ZFAND6: variants seen among roughly 807,000 people sequenced by gnomAD.
ZFAND6 encodes the protein zinc finger AN1-type containing 6.
A neutral mutation model predicts 24.5 loss-of-function variants in ZFAND6; 12 were observed. The ratio of observed to expected loss-of-function variants is 0.49; its 90% confidence interval spans 0.31 to 0.79. The LOEUF (loss-of-function observed/expected upper bound fraction) is 0.79. Among genes scored for constraint, ZFAND6 ranks in the 30% least tolerant of loss-of-function variants. The pLI, the probability that ZFAND6 is intolerant of heterozygous loss-of-function variation, is 0.04. For synonymous variants in ZFAND6, 92 were observed against 81.5 expected (o/e 1.13, Z -0.69); for missense variants, 207 against 245.9 (o/e 0.84, Z 1.06).
intron 1 of ZFAND6, among the ~76,000 whole-genome samples, chr15:80,081,787 T>A (rs1373804246): frequency 6.6e-6 from 1 of 152,190 alleles, no homozygotes; most frequent in Non-Finnish European, 1.5e-5. Flanking sequence ...AAAATATGGA[T>A]GGAGGCAGCC....
chr15:80,062,134 C>G (rs2036368441), intron 1 of ZFAND6, among the ~76,000 whole-genome samples: 1 of 151,768 alleles, frequency 6.6e-6, no homozygotes, highest in Non-Finnish European at 1.5e-5. Flanking sequence ...TCTGCTGTTC[C>G]TCTCCTCCCC....
At chr15:80,059,339 C>G (rs2036198647), upstream of ZFAND6, among the ~76,000 whole-genome samples, 1 of 152,232 alleles carries the variant, frequency 6.6e-6, no homozygotes, top group African/African-American at 2.4e-5. Flanking sequence ...AAAGTCTCCG[C>G]GGCACCTCTT....
At chr15:80,117,840 A>ATT (rs34077311) in intron 2 of ZFAND6, among the ~76,000 whole-genome samples, 3 of 151,764 alleles carry the variant, frequency 2.0e-5, no homozygotes, top group Non-Finnish European at 4.4e-5. Flanking sequence ...GGCTTCATCT[A>ATT]TTTTTTTCCC....
intron 5 of ZFAND6, among the ~76,000 whole-genome samples, chr15:80,127,194 T>A (rs747837477): frequency 6.6e-6 from 1 of 152,010 alleles, no homozygotes; most frequent in African/African-American, 2.4e-5. Context: ...TATAAATAAT[T>A]ACAATTCAAC....
At chr15:80,071,322 G>A (rs990024767) in intron 1 of ZFAND6, among the ~76,000 whole-genome samples, 1 of 152,110 alleles carries the variant, frequency 6.6e-6, no homozygotes, top group African/African-American at 2.4e-5. Flanking sequence ...ACCATACATT[G>A]AAAGCATATT....
chr15:80,102,354 C>T (rs2039081585), intron 2 of ZFAND6, among the ~76,000 whole-genome samples: 1 of 150,918 alleles, frequency 6.6e-6, no homozygotes, highest in East Asian at 2.0e-4. Context: ...GGTGATCCAC[C>T]CGCCTCCCAC....
chr15:80,137,433 T>G, intron 6 of ZFAND6, 47 bp from the exon 7 acceptor site: 1 of 1,569,034 alleles, frequency 6.4e-7, no homozygotes, highest in Non-Finnish European at 8.6e-7. Context: ...CCAAAGACCT[T>G]AATATTTCAT....
intron 2 of ZFAND6, chr15:80,112,999 G>T (rs762819005): frequency 2.6e-6 from 1 of 386,750 alleles, no homozygotes; most frequent in East Asian, 7.2e-5. Flanking sequence ...TTGAAAAAAG[G>T]CGGAGTGTGA....
intron 2 of ZFAND6, chr15:80,111,515 T>TTA (rs1294810530): frequency 2.2e-6 from 1 of 455,872 alleles, no homozygotes; most frequent in Non-Finnish European, 4.4e-6. Context: ...AATCAGAAGT[T>TTA]TTCTAGAATC....
chr15:80,102,394 T>C (rs1443402905), intron 2 of ZFAND6, among the ~76,000 whole-genome samples: 1 of 152,132 alleles, frequency 6.6e-6, no homozygotes, highest in Non-Finnish European at 1.5e-5. Flanking sequence ...GGATTACAGG[T>C]GTGAGCCCCC....
intron 4 of ZFAND6, 94 bp downstream of exon 4, chr15:80,121,914 C>CT (rs1403336016): frequency 1.2e-5 from 13 of 1,063,072 alleles, no homozygotes; most frequent in Non-Finnish European, 1.7e-5. Context: ...CGTAAAGCTA[C>CT]TTTTAGATTA....
intron 2 of ZFAND6, among the ~76,000 whole-genome samples, chr15:80,110,263 G>A (rs771869619): frequency 2.0e-5 from 3 of 152,154 alleles, no homozygotes; most frequent in Admixed American, 6.5e-5. Context: ...GGGAATTGGG[G>A]CAGACCACCT....
At chr15:80,113,370 A>T (rs1348651397) in intron 2 of ZFAND6, among the ~76,000 whole-genome samples, 1 of 152,216 alleles carries the variant, frequency 6.6e-6, no homozygotes, top group East Asian at 1.9e-4. Flanking sequence ...ATTTTTTTAA[A>T]AAATAATAGG....
At chr15:80,118,981 G>A (rs1001835558) in intron 2 of ZFAND6, among the ~76,000 whole-genome samples, 1 of 152,074 alleles carries the variant, frequency 6.6e-6, no homozygotes, top group Admixed American at 6.5e-5. Flanking sequence ...TCCTTCTTTG[G>A]TTAGTCTCAT....
chr15:80,131,460 C>T (rs577024967), intron 6 of ZFAND6, 167 bp downstream of exon 6: 1 of 520,424 alleles, frequency 1.9e-6, no homozygotes. Context: ...TTTGATTATA[C>T]ACCTAAAAGT....
At chr15:80,081,521 A>G (rs1314361172) in intron 1 of ZFAND6, among the ~76,000 whole-genome samples, 3 of 152,210 alleles carry the variant, frequency 2.0e-5, no homozygotes, top group Non-Finnish European at 4.4e-5. Flanking sequence ...GTCAGATAAC[A>G]TTTATGGTCA....
chr15:80,086,467 G>C (rs2038012739), intron 1 of ZFAND6, among the ~76,000 whole-genome samples: 1 of 152,146 alleles, frequency 6.6e-6, no homozygotes, highest in Non-Finnish European at 1.5e-5. Flanking sequence ...GAACATTTCT[G>C]TCACCCAAAA....
intron 1 of ZFAND6, among the ~76,000 whole-genome samples, chr15:80,062,491 C>T (rs1436705314): frequency 6.6e-6 from 1 of 152,218 alleles, no homozygotes; most frequent in African/African-American, 2.4e-5. Context: ...GGAATAGTAT[C>T]TCCTTACTAT....
chr15:80,102,679 AT>A (rs1309818535), intron 2 of ZFAND6, among the ~76,000 whole-genome samples: 1 of 152,192 alleles, frequency 6.6e-6, no homozygotes, highest in Non-Finnish European at 1.5e-5. Context: ...TGTGAGATAA[AT>A]TTATCTGTTT....
Sources: allele counts gnomAD v4.1 joint callset (sites outside exome capture counted in the v4.1 genomes callset), GRCh38; gene constraint gnomAD v4.1.1; transcripts MANE v1.5; gene names NCBI Gene and HGNC (gene_info 2026-07-23, HGNC 2026-07-21).